The following ZNF568 variants were observed in gnomAD, a reference collection of about 807,000 sequenced individuals.
ZNF568 encodes the protein zinc finger protein 568.
ZNF568 carries 11 observed loss-of-function variants against 18.1 expected under a neutral mutation model. The ratio of observed to expected loss-of-function variants is 0.61; its 90% CI spans 0.38 to 1.00. The LOEUF (loss-of-function observed/expected upper bound fraction) is 1.00. Ranked by LOEUF, ZNF568 falls within the 50% of genes least tolerant of loss-of-function variation. The probability of loss-of-function intolerance (pLI) is 0.01; values close to 1 mark genes in which losing one functional copy is unlikely to be tolerated. For synonymous variants in ZNF568, 213 were observed against 246.6 expected, an observed-to-expected ratio of 0.86 and a Z score of 1.28; for missense variants, 639 against 768.2, an observed-to-expected ratio of 0.83 and a Z score of 1.99.
At chr19:36,991,247 G>A in exon 3 of ZNF568, 2 of 1,536,268 alleles carry the variant, frequency 1.3e-6, no homozygotes, top group Non-Finnish European at 1.7e-6. Context: ...CTGCTCAGAA[G>A]GATTTGTACC....
intron 6 of ZNF568, among the ~76,000 whole-genome samples, chr19:36,962,634 C>T (rs919228218): frequency 6.6e-6 from 1 of 152,178 alleles, no homozygotes; most frequent in African/African-American, 2.4e-5. Context: ...AGCCACCACA[C>T]CCAGCCTTCA....
intron 6 of ZNF568, among the ~76,000 whole-genome samples, chr19:36,968,275 A>ATATTACATATATTAAATATG (rs1304267958): frequency 3.3e-5 from 5 of 152,110 alleles, no homozygotes; most frequent in Non-Finnish European, 5.9e-5. Flanking sequence ...CATATACCTT[A>ATATTACATATATTAAATATG]TATTAAATAT....
At chr19:36,968,483 G>T (rs910014459) in intron 6 of ZNF568, among the ~76,000 whole-genome samples, 1 of 149,970 alleles carries the variant, frequency 6.7e-6, no homozygotes. Flanking sequence ...GGCAGAGGTT[G>T]CAGTGACCTG....
At chr19:36,957,301 G>A (rs1390722464), downstream of ZNF568, among the ~76,000 whole-genome samples, 4 of 139,344 alleles carry the variant, frequency 2.9e-5, no homozygotes, top group East Asian at 4.1e-4. Context: ...GCGCGATCTC[G>A]GCTCACTGCA....
intron 6 of ZNF568, among the ~76,000 whole-genome samples, chr19:36,968,213 T>G (rs1046650663): frequency 6.6e-6 from 1 of 151,854 alleles, no homozygotes; most frequent in African/African-American, 2.4e-5. Context: ...ATGAGAAAAA[T>G]ACATACAAAT....
chr19:36,918,557 T>C (rs2073394088), intron 2 of ZNF568, among the ~76,000 whole-genome samples: 1 of 152,198 alleles, frequency 6.6e-6, no homozygotes, highest in South Asian at 2.1e-4. Context: ...CTGAGGCTGA[T>C]TGAATCTGAG....
chr19:36,991,044 G>T, intron 2 of ZNF568: 2 of 939,348 alleles, frequency 2.1e-6, no homozygotes, highest in Non-Finnish European at 1.5e-6. Flanking sequence ...ACCCCTCCAT[G>T]TTGAAGGAGC....
At chr19:36,945,210 AGTGTGTGTGTGTGTGTGTGT>A (rs10616521) in intron 6 of ZNF568, among the ~76,000 whole-genome samples, 2 of 141,854 alleles carry the variant, frequency 1.4e-5, no homozygotes, top group Admixed American at 7.2e-5. Context: ...CAGAGAGAGA[AGTGTGTGTGTGTGTGTGTGT>A]GTGTGTGTGT....
intron 2 of ZNF568, chr19:36,991,153 G>T: frequency 6.6e-7 from 1 of 1,516,848 alleles, no homozygotes; most frequent in Non-Finnish European, 8.8e-7. Context: ...TTTCACAAAT[G>T]GTGTATTTAT....
intron 6 of ZNF568, among the ~76,000 whole-genome samples, chr19:36,963,182 GT>G (rs2074168324): frequency 6.6e-6 from 1 of 152,146 alleles, no homozygotes; most frequent in Non-Finnish European, 1.5e-5. Context: ...AAAATTATTT[GT>G]ATAGATGTAT....
chr19:36,952,692 G>A lies in ZNF568; in HGVS notation c.*1604G>A, dbSNP rs2074077098. 1 of 594,274 alleles carries A rather than the reference G, an allele frequency of 1.7e-6. No homozygotes were observed. The highest frequency in any genetic ancestry group is 6.4e-5 in the Admixed American group (1 of 15,734). The allele number at this position is 594,274 out of a possible 1,614,324, so 36.8% of individuals were successfully genotyped here. On this transcript the variant is annotated 3_prime_UTR_variant, in exon 7 of 7. Transcript: ENST00000333987. ...TAGTTTTTATACCTTAAAAAGACTGGTAGCATATAAAATAAATCTTAAAAG... is the reference window on the plus strand; with the variant it reads ...TAGTTTTTATACCTTAAAAAGACTGATAGCATATAAAATAAATCTTAAAAG...
intron 5 of ZNF568, 70 bp downstream of exon 5, chr19:36,936,942 T>A: frequency 6.4e-7 from 1 of 1,569,552 alleles, no homozygotes; most frequent in East Asian, 2.3e-5. Flanking sequence ...GTGAAGACTG[T>A]AACTTGCCAG....
intron 6 of ZNF568, among the ~76,000 whole-genome samples, chr19:36,949,049 C>T (rs1464933365): frequency 6.6e-6 from 1 of 152,112 alleles, no homozygotes; most frequent in Non-Finnish European, 1.5e-5. Flanking sequence ...TTTTTACACT[C>T]ACGTCTCCTT....
intron 4 of ZNF568, among the ~76,000 whole-genome samples, chr19:36,992,698 C>T (rs1036816049): frequency 6.6e-6 from 1 of 152,072 alleles, no homozygotes; most frequent in Non-Finnish European, 1.5e-5. Context: ...AAAATTCATC[C>T]ATTTAAAGTT....
At chr19:36,925,476 C>T (rs1369658233) in intron 4 of ZNF568, among the ~76,000 whole-genome samples, 4 of 152,116 alleles carry the variant, frequency 2.6e-5, no homozygotes, top group Non-Finnish European at 5.9e-5. Context: ...TAAATATGAT[C>T]TGGACAGTCA....
intron 4 of ZNF568, among the ~76,000 whole-genome samples, chr19:36,927,894 TATATATA>T (rs2073602657): frequency 6.2e-5 from 2 of 32,058 alleles, no homozygotes; most frequent in African/African-American, 3.2e-4. Flanking sequence ...ATATTATATA[TATATATA>T]TATTTTTTTT....
In ZNF568 at chr19:36,951,246, A is replaced by G; in HGVS notation, c.*158A>G. 1 of 611,622 alleles carries G rather than the reference A, an allele frequency of 1.6e-6. No homozygotes were observed. The highest frequency in any genetic ancestry group is 2.4e-6 in the Non-Finnish European group (1 of 414,160). The allele number at this position is 611,622 out of a possible 1,614,324, so 37.9% of individuals were successfully genotyped here. The stretch of plus-strand genomic sequence containing the variant: ...AAATACCATATACATAGATGGAAAA[A>G]CCCAGTATTATAAAAACCTCAATTC... On this transcript the variant is annotated 3_prime_UTR_variant, in exon 7 of 7. Transcript: ENST00000333987.
chr19:36,924,506 G>A (rs1161983774), intron 3 of ZNF568, among the ~76,000 whole-genome samples: 5 of 95,986 alleles, frequency 5.2e-5, no homozygotes, highest in Admixed American at 2.0e-4. Context: ...CGTGACGACC[G>A]CGCCTGGCCC....
At chr19:36,938,594 T>C (rs895841625) in intron 6 of ZNF568, among the ~76,000 whole-genome samples, 4 of 152,228 alleles carry the variant, frequency 2.6e-5, no homozygotes, top group African/African-American at 9.6e-5. Context: ...GTTTTGCATA[T>C]GGGAAAATAT....
Sources: allele counts gnomAD v4.1 joint callset (sites outside exome capture counted in the v4.1 genomes callset), GRCh38; gene constraint gnomAD v4.1.1; transcripts MANE v1.5; gene names NCBI Gene and HGNC (gene_info 2026-07-23, HGNC 2026-07-21).